PDE4D: variants seen among roughly 807,000 people sequenced by gnomAD.
PDE4D encodes phosphodiesterase 4D, also known as 3',5'-cyclic-AMP phosphodiesterase 4D.
In PDE4D, 24 loss-of-function variants were observed where a neutral mutation model predicts 87.4. That is an observed-to-expected ratio of 0.27 (90% CI 0.20 to 0.39). The LOEUF (loss-of-function observed/expected upper bound fraction) is 0.39. Ranked by LOEUF, PDE4D falls within the 10% of genes least tolerant of loss-of-function variation. PDE4D has a pLI of 1.00. For synonymous variants in PDE4D, 384 were observed against 383.2 expected, an observed-to-expected ratio of 1.00 and a Z score of -0.02; for missense variants, 714 against 1,041.0, an observed-to-expected ratio of 0.69 and a Z score of 4.32.
At chr5:60,292,707 G>A (rs1206342482) in intron 1 of PDE4D, among the ~76,000 whole-genome samples, 1 of 152,192 alleles carries the variant, frequency 6.6e-6, no homozygotes, top group African/African-American at 2.4e-5. Flanking sequence ...AAATGTAGAT[G>A]TGTTTCTAAT....
intron 5 of PDE4D, among the ~76,000 whole-genome samples, chr5:59,091,771 A>G (rs13359707): frequency 0.047 from 7,198 of 152,156 alleles, 569 homozygotes; most frequent in African/African-American, 0.16. Context: ...TAAAATTTAA[A>G]TTTTACATAC....
At chr5:59,706,656 T>G (rs915259767) in intron 1 of PDE4D, among the ~76,000 whole-genome samples, 16 of 152,208 alleles carry the variant, frequency 1.1e-4, no homozygotes, top group East Asian at 9.7e-4. Flanking sequence ...TAGAGAGAAA[T>G]GAATTCTAGA....
At chr5:60,110,387 C>T (rs552374190) in intron 2 of PDE4D, among the ~76,000 whole-genome samples, 1 of 152,002 alleles carries the variant, frequency 6.6e-6, no homozygotes, top group Non-Finnish European at 1.5e-5. Context: ...TTTCAAAAGA[C>T]TTGCAAATGG....
chr5:59,296,160 T>A (rs184960491), intron 1 of PDE4D, among the ~76,000 whole-genome samples: 24 of 152,266 alleles, frequency 1.6e-4, no homozygotes, highest in Non-Finnish European at 2.9e-4. Flanking sequence ...GTTTGGGACA[T>A]ACTGATGTAC....
chr5:60,118,014 G>A (rs1778321596), intron 2 of PDE4D, among the ~76,000 whole-genome samples: 1 of 152,090 alleles, frequency 6.6e-6, no homozygotes, highest in African/African-American at 2.4e-5. Flanking sequence ...CATGTTGTTT[G>A]ACATTTGTAT....
chr5:60,386,003 A>G (rs1482801973), intron 1 of PDE4D, among the ~76,000 whole-genome samples: 1 of 152,114 alleles, frequency 6.6e-6, no homozygotes, highest in Non-Finnish European at 1.5e-5. Context: ...AATTCCCAAC[A>G]AGAAAGGACT....
chr5:59,837,797 C>T (rs1742360336), intron 1 of PDE4D, among the ~76,000 whole-genome samples: 1 of 152,044 alleles, frequency 6.6e-6, no homozygotes. Flanking sequence ...ATAACTAGGA[C>T]ACCATTGCTC....
At chr5:59,904,242 A>G (rs543628378) in intron 3 of PDE4D, among the ~76,000 whole-genome samples, 1 of 152,310 alleles carries the variant, frequency 6.6e-6, no homozygotes, top group Admixed American at 6.5e-5. Flanking sequence ...AAAATAAACA[A>G]GGCATTTTCT....
intron 3 of PDE4D, among the ~76,000 whole-genome samples, chr5:59,911,647 G>A (rs1324880547): frequency 1.3e-5 from 2 of 152,172 alleles, no homozygotes; most frequent in Non-Finnish European, 2.9e-5. Context: ...CCACTGGGCA[G>A]TTACAGGAGC....
At chr5:59,182,269 A>C (rs1251872181) in intron 4 of PDE4D, among the ~76,000 whole-genome samples, 2 of 150,504 alleles carry the variant, frequency 1.3e-5, no homozygotes, top group African/African-American at 2.4e-5. Flanking sequence ...TTTTTTTTTA[A>C]AGTTTTGAGA....
chr5:60,480,335 C>G (rs771666400), intron 1 of PDE4D, among the ~76,000 whole-genome samples: 2 of 151,974 alleles, frequency 1.3e-5, no homozygotes, highest in Non-Finnish European at 2.9e-5. Flanking sequence ...TTATAAAGCA[C>G]TATGAGATAT....
intron 1 of PDE4D, among the ~76,000 whole-genome samples, chr5:59,416,909 GTACATATAGATGTA>G (rs1370989330): frequency 1.3e-5 from 2 of 152,038 alleles, no homozygotes; most frequent in Non-Finnish European, 2.9e-5. Context: ...TATATGTTCT[GTACATATAGATGTA>G]TACATATACA....
At chr5:59,564,757 A>G (rs1820599078) in intron 1 of PDE4D, among the ~76,000 whole-genome samples, 2 of 151,906 alleles carry the variant, frequency 1.3e-5, no homozygotes, top group African/African-American at 4.8e-5. Flanking sequence ...CCCCCAGGAA[A>G]CTCCCATTTG....
chr5:59,760,613 AT>A (rs1412512777), intron 1 of PDE4D, among the ~76,000 whole-genome samples: 1 of 152,180 alleles, frequency 6.6e-6, no homozygotes, highest in African/African-American at 2.4e-5. Flanking sequence ...TCCCCATGAA[AT>A]TACTTATATT....
chr5:59,598,764 G>A (rs539691668), intron 1 of PDE4D, among the ~76,000 whole-genome samples: 1 of 151,354 alleles, frequency 6.6e-6, no homozygotes, highest in East Asian at 1.9e-4. Flanking sequence ...CAGTGGACTA[G>A]GACAGAAGGA....
chr5:59,662,746 A>G (rs1057126724), intron 1 of PDE4D, among the ~76,000 whole-genome samples: 2 of 152,234 alleles, frequency 1.3e-5, no homozygotes, highest in African/African-American at 2.4e-5. Flanking sequence ...ATTTTATAAT[A>G]TTCCATATGT....
At position 59,048,381 on chromosome 5, in the gene PDE4D, C is replaced by T. The variant is rs147256449; in HGVS notation, c.809-9410G>A. 5.1e-4 allele frequency among the ~76,000 whole-genome samples: 78 copies of T among 152,258 alleles called. No homozygotes were observed. In the East Asian group the frequency reaches 0.014, roughly 27 times the overall value. On this transcript the variant is annotated intron_variant, in intron 5 of 14. Transcript: ENST00000340635. The stretch of plus-strand genomic sequence containing the variant: ...GATATAACAGTCTTTTGTTCTTCAC[C>T]TTTGTCAATTACTGCATACAGTATT...
rs1297301659 is a variant in PDE4D at position 59,890,124 on chromosome 5, A to G, written c.455+3044T>C. The stretch of plus-strand genomic sequence containing the variant: ...GTGCATGCTAGAAATAGCTTTATAA[A>G]AGATATACCTTTCTTGATAATCCAT... On this transcript the variant is annotated intron_variant, in intron 1 of 14. Transcript: ENST00000340635. 4.6e-5 allele frequency among the ~76,000 whole-genome samples: 7 copies of G among 152,174 alleles called. No individual in the cohort carries two copies. In the East Asian group the frequency reaches 1.2e-3, roughly 25 times the overall value.
At chr5:59,016,183 G>C (rs536220619) in intron 6 of PDE4D, among the ~76,000 whole-genome samples, 1 of 152,138 alleles carries the variant, frequency 6.6e-6, no homozygotes, top group East Asian at 1.9e-4. Flanking sequence ...TGTAAATGAC[G>C]AGTTAATGGG....
Sources: allele counts gnomAD v4.1 joint callset (sites outside exome capture counted in the v4.1 genomes callset), GRCh38; gene constraint gnomAD v4.1.1; transcripts MANE v1.5; gene names NCBI Gene and HGNC (gene_info 2026-07-23, HGNC 2026-07-21).